Variants in NKAIN2 observed in about 807,000 individuals in gnomAD.
NKAIN2 encodes the protein sodium/potassium transporting ATPase interacting 2.
A neutral mutation model predicts 32.6 loss-of-function variants in NKAIN2; 14 were observed. The observed-to-expected ratio is 0.43, with a 90% confidence interval of 0.28 to 0.67. The LOEUF is 0.67. Among genes scored for constraint, NKAIN2 ranks in the 30% least tolerant of loss-of-function variants. The pLI is 0.17. For synonymous variants in NKAIN2, 80 were observed against 87.2 expected (o/e 0.92, Z 0.46); for missense variants, 198 against 258.3 (o/e 0.77, Z 1.60).
At chr6:124,655,331 A>G (rs1017300495) in intron 3 of NKAIN2, among the ~76,000 whole-genome samples, 5 of 152,040 alleles carry the variant, frequency 3.3e-5, no homozygotes, top group African/African-American at 1.2e-4. Flanking sequence ...CTCACTAGCT[A>G]TCATCTCCAT....
intron 2 of NKAIN2, among the ~76,000 whole-genome samples, chr6:124,344,212 C>T (rs371140556): frequency 3.3e-5 from 5 of 152,138 alleles, no homozygotes; most frequent in East Asian, 1.9e-4. Context: ...GGTACCAGTA[C>T]CATGCTGTTT....
intron 1 of NKAIN2, among the ~76,000 whole-genome samples, chr6:124,070,402 C>T (rs1783397311): frequency 6.6e-6 from 1 of 152,048 alleles, no homozygotes. Context: ...TCCTCAAACC[C>T]AGTTAAATTC....
In NKAIN2 at chr6:123,911,799, A is replaced by ATG. The variant is rs59861466; in HGVS notation, c.54+107547_54+107548dup. On this transcript the variant is annotated intron_variant, in intron 1 of 6. Transcript: ENST00000368417. ...CATACATACATATATATATATATAT[A>ATG]TGTATATATATATACACACACACAC... Among the ~76,000 whole-genome samples, 141 of 99,306 alleles carry ATG rather than the reference A, an allele frequency of 1.4e-3. 2 individuals are homozygous for ATG. The highest frequency in any genetic ancestry group is 1.9e-3 in the Non-Finnish European group (103 of 53,288). The allele number at this position is 99,306 out of a possible 152,430, so 65.1% of individuals were successfully genotyped here.
intron 3 of NKAIN2, among the ~76,000 whole-genome samples, chr6:124,514,333 C>T (rs1454175806): frequency 6.6e-6 from 1 of 152,202 alleles, no homozygotes; most frequent in Non-Finnish European, 1.5e-5. Flanking sequence ...CAATACCCCA[C>T]TGGATTTCCC....
chr6:124,596,425 G>A (rs1239144509), intron 3 of NKAIN2, among the ~76,000 whole-genome samples: 2 of 152,180 alleles, frequency 1.3e-5, no homozygotes, highest in African/African-American at 4.8e-5. Context: ...GTGGCTGAGG[G>A]TCAGAAGGGA....
chr6:124,412,925 G>A (rs987989401), intron 3 of NKAIN2, among the ~76,000 whole-genome samples: 2 of 152,194 alleles, frequency 1.3e-5, no homozygotes, highest in Non-Finnish European at 2.9e-5. Context: ...ATCTGAGACT[G>A]TTGTGTTAGC....
chr6:124,403,451 C>T (rs1319554529), intron 3 of NKAIN2, among the ~76,000 whole-genome samples: 1 of 152,106 alleles, frequency 6.6e-6, no homozygotes, highest in Admixed American at 6.6e-5. Flanking sequence ...CTTCCTTTTA[C>T]CCCCCTTACT....
At chr6:124,781,023 C>T (rs1468777577) in intron 4 of NKAIN2, among the ~76,000 whole-genome samples, 4 of 152,174 alleles carry the variant, frequency 2.6e-5, no homozygotes, top group Admixed American at 6.5e-5. Flanking sequence ...TCTGCTAATT[C>T]AAAGCTCAGT....
intron 1 of NKAIN2, among the ~76,000 whole-genome samples, chr6:124,162,183 T>G (rs928382608): frequency 9.2e-5 from 14 of 152,102 alleles, no homozygotes; most frequent in African/African-American, 3.1e-4. Context: ...GAAAGAGAGA[T>G]ATGAGTGTAT....
intron 1 of NKAIN2, among the ~76,000 whole-genome samples, chr6:124,224,111 G>A (rs1791980344): frequency 6.6e-6 from 1 of 152,080 alleles, no homozygotes; most frequent in East Asian, 1.9e-4. Context: ...GGGGATGTGT[G>A]CATAGACATA....
rs917767588 is a variant in NKAIN2 at position 124,461,165 on chromosome 6, T to G, written c.273+105818T>G. On this transcript the variant is annotated intron_variant, in intron 3 of 6. Transcript: ENST00000368417. ...GACAACATCTAAAGCTTCTCAGGAA[T>G]AGCAAAACTCTTTTAATTCCTTGGT... 1.3e-4 allele frequency among the ~76,000 whole-genome samples: 20 copies of G among 151,828 alleles called. 1 individual carries two copies. Among genetic ancestry groups the G allele is most frequent in the African/African-American group, 4.8e-4 (20 of 41,416 alleles).
At chr6:124,818,051 C>G (rs1014084682) in intron 5 of NKAIN2, among the ~76,000 whole-genome samples, 2 of 152,074 alleles carry the variant, frequency 1.3e-5, no homozygotes, top group African/African-American at 2.4e-5. Context: ...CTACACTAAC[C>G]AAAAAGGCAT....
intron 1 of NKAIN2, among the ~76,000 whole-genome samples, chr6:124,103,627 G>A (rs912025863): frequency 4.1e-4 from 63 of 152,100 alleles, no homozygotes; most frequent in African/African-American, 1.5e-3. Flanking sequence ...AATAATCTTA[G>A]AATCACAGAA....
chr6:124,307,858 C>T (rs1796565841), intron 2 of NKAIN2, among the ~76,000 whole-genome samples: 1 of 152,042 alleles, frequency 6.6e-6, no homozygotes, highest in Non-Finnish European at 1.5e-5. Flanking sequence ...TAAATATATT[C>T]TTTCTAATTA....
At chr6:124,363,838 G>T (rs1799399703) in intron 3 of NKAIN2, among the ~76,000 whole-genome samples, 1 of 152,094 alleles carries the variant, frequency 6.6e-6, no homozygotes, top group Non-Finnish European at 1.5e-5. Context: ...TTATGTGCAT[G>T]ACATCAGGCA....
At chr6:124,173,106 T>C (rs1033006357) in intron 1 of NKAIN2, among the ~76,000 whole-genome samples, 1 of 152,144 alleles carries the variant, frequency 6.6e-6, no homozygotes, top group Non-Finnish European at 1.5e-5. Flanking sequence ...TTTAAATTGA[T>C]GGTAATCTAC....
At chr6:124,805,294 C>T (rs983687945) in intron 5 of NKAIN2, among the ~76,000 whole-genome samples, 1 of 152,174 alleles carries the variant, frequency 6.6e-6, no homozygotes, top group Non-Finnish European at 1.5e-5. Flanking sequence ...TGAGACAAAA[C>T]TTCCAGAGGA....
intron 1 of NKAIN2, among the ~76,000 whole-genome samples, chr6:124,096,186 T>C (rs1336572864): frequency 3.3e-5 from 5 of 152,210 alleles, no homozygotes; most frequent in Non-Finnish European, 5.9e-5. Context: ...TTCATTGTAT[T>C]GCATGCAATG....
intron 1 of NKAIN2, among the ~76,000 whole-genome samples, chr6:124,143,743 T>C (rs988132254): frequency 1.1e-4 from 17 of 152,286 alleles, no homozygotes; most frequent in African/African-American, 3.8e-4. Flanking sequence ...GAAATAAAAC[T>C]GATTTTTTTA....
Sources: gnomAD v4.1 joint callset for allele counts (sites outside exome capture counted in the v4.1 genomes callset) on GRCh38, gnomAD v4.1.1 for gene constraint, MANE v1.5 for transcripts, NCBI Gene and HGNC (gene_info 2026-07-23, HGNC 2026-07-21) for gene names.